The following PKD2 variants were observed in gnomAD, a reference collection of about 807,000 sequenced individuals.
The protein encoded by PKD2 is polycystin 2, transient receptor potential cation channel.
PKD2 carries 48 observed loss-of-function variants against 105.9 expected under a neutral mutation model. The observed-to-expected ratio is 0.45, with a 90% CI of 0.36 to 0.58. PKD2 has a LOEUF of 0.58. Among genes scored for constraint, PKD2 ranks in the 20% least tolerant of loss-of-function variants. The probability of loss-of-function intolerance (pLI) is 0.00; values close to 1 mark genes in which losing one functional copy is unlikely to be tolerated. For missense variants in PKD2, 1,078 were observed against 1,255.3 expected, an observed-to-expected ratio of 0.86 and a Z score of 2.13; for synonymous variants, 464 against 481.1, an observed-to-expected ratio of 0.96 and a Z score of 0.46.
At chr4:88,067,829 A>G in intron 12 of PKD2, 69 bp from the exon 13 acceptor site, 1 of 1,408,356 alleles carries the variant, frequency 7.1e-7, no homozygotes, top group South Asian at 1.2e-5. Context: ...CTGCTTGCCC[A>G]AGTCCTTGGT....
chr4:88,010,505 C>T (rs1014972111), intron 1 of PKD2, among the ~76,000 whole-genome samples: 2 of 152,154 alleles, frequency 1.3e-5, no homozygotes, highest in African/African-American at 4.8e-5. Context: ...CCCCCTGCCC[C>T]CTTTGGATAC....
At chr4:88,070,805 A>T (rs1420649013) in intron 13 of PKD2, among the ~76,000 whole-genome samples, 1 of 151,118 alleles carries the variant, frequency 6.6e-6, no homozygotes, top group Non-Finnish European at 1.5e-5. Flanking sequence ...CTAATTTTTA[A>T]AAAAAAATTT....
intron 1 of PKD2, 128 bp downstream of exon 1, chr4:88,008,456 A>C: frequency 8.3e-7 from 1 of 1,202,220 alleles, no homozygotes. Flanking sequence ...CCTCCCTTGG[A>C]AGCGCATTCC....
At position 88,042,668 on chromosome 4, in the gene PKD2, C is replaced by G. The variant is rs7676117; in HGVS notation, c.1095-565C>G. On this transcript the variant is annotated intron_variant, in intron 4 of 14. Coordinates refer to ENST00000237596, the MANE Select transcript of PKD2 (RefSeq NM_000297.4). ...TCTTTTGCTTCTTATTATTATCCAC[C>G]TTGTATTTTACTTGTTTAATTATAA... Among the ~76,000 whole-genome samples the G allele has an allele frequency of 8.2e-3, 1,249 of 152,272 alleles. 12 individuals are homozygous for G. Among genetic ancestry groups the G allele is most frequent in the African/African-American group, 0.028 (1,157 of 41,536 alleles).
intron 1 of PKD2, among the ~76,000 whole-genome samples, chr4:88,010,435 G>T (rs189662612): frequency 1.3e-5 from 2 of 152,180 alleles, no homozygotes; most frequent in African/African-American, 4.8e-5. Flanking sequence ...GCATATCACT[G>T]TTTTCCTATG....
chr4:88,031,571 A>C (rs148081816), intron 2 of PKD2, among the ~76,000 whole-genome samples: 1 of 152,096 alleles, frequency 6.6e-6, no homozygotes, highest in African/African-American at 2.4e-5. Context: ...TTATATTTTT[A>C]TGGCAGCTCT....
chr4:88,018,717 A>G (rs978781551), intron 1 of PKD2, among the ~76,000 whole-genome samples: 29 of 152,346 alleles, frequency 1.9e-4, no homozygotes, highest in Non-Finnish European at 1.9e-4. Flanking sequence ...CAGCCAGCCC[A>G]ACGCTTTTTC....
At chr4:88,066,244 C>T (rs1010603604) in intron 12 of PKD2, among the ~76,000 whole-genome samples, 1 of 152,010 alleles carries the variant, frequency 6.6e-6, no homozygotes, top group African/African-American at 2.4e-5. Flanking sequence ...AAAAGAGAAG[C>T]CTGATTAGCT....
At chr4:88,057,184 C>T (rs1055351848) in intron 8 of PKD2, among the ~76,000 whole-genome samples, 1 of 151,810 alleles carries the variant, frequency 6.6e-6, no homozygotes, top group African/African-American at 2.4e-5. Context: ...GAGAAGGGAT[C>T]TCACTGTGTA....
chr4:88,023,050 C>T (rs1726818061), intron 2 of PKD2, among the ~76,000 whole-genome samples: 1 of 151,432 alleles, frequency 6.6e-6, no homozygotes, highest in African/African-American at 2.4e-5. Context: ...CACTGCACTC[C>T]ATCCAGCCTG....
intron 2 of PKD2, 141 bp downstream of exon 2, chr4:88,019,712 T>C: frequency 1.5e-6 from 1 of 677,594 alleles, no homozygotes. Flanking sequence ...ATTCTAATAT[T>C]TTTATTTGGG....
chr4:88,040,107 G>A (rs1204255491), intron 4 of PKD2, among the ~76,000 whole-genome samples: 4 of 152,046 alleles, frequency 2.6e-5, no homozygotes, highest in Non-Finnish European at 5.9e-5. Flanking sequence ...CTCTAAAATA[G>A]GTATCACCTC....
intron 6 of PKD2, among the ~76,000 whole-genome samples, chr4:88,049,473 A>AT (rs986249572): frequency 6.0e-5 from 9 of 150,666 alleles, no homozygotes; most frequent in East Asian, 1.9e-4. Context: ...GTGTTTTTCA[A>AT]TTTTTTTTTT....
In PKD2 at chr4:88,038,994, A is replaced by C. The variant is rs1727447964; in HGVS notation, c.1094+493A>C. On this transcript the variant is annotated intron_variant, in intron 4 of 14. Coordinates refer to ENST00000237596, the MANE Select transcript of PKD2 (RefSeq NM_000297.4). ...CAAATGTTTGAGATTTTAGGTATAT[A>C]TTTGTACACGTGCATATTTACAGGG... is the stretch of plus-strand genomic sequence containing the variant. Among the ~76,000 whole-genome samples the C allele has an allele frequency of 2.0e-5, 3 of 152,208 alleles. No homozygotes were observed. In the South Asian group the frequency reaches 6.2e-4, roughly 31 times the overall value.
At chr4:88,011,473 T>C (rs1434105843) in intron 1 of PKD2, among the ~76,000 whole-genome samples, 1 of 152,014 alleles carries the variant, frequency 6.6e-6, no homozygotes, top group African/African-American at 2.4e-5. Flanking sequence ...TTAGAGAGGG[T>C]ATTCCAGGTT....
chr4:88,008,630 G>GT (rs986532762), intron 1 of PKD2, among the ~76,000 whole-genome samples: 3 of 151,496 alleles, frequency 2.0e-5, no homozygotes, highest in African/African-American at 4.9e-5. Context: ...GTACATCTGG[G>GT]TTTTGTTTTT....
Position 88,046,648 on chromosome 4 carries a change from G to A in PKD2, c.1326G>A (p.Leu442=). 6.3e-7 allele frequency: 1 copy of A among 1,585,292 alleles called. No homozygotes were observed. Among genetic ancestry groups the A allele is most frequent in the Non-Finnish European group, 8.7e-7 (1 of 1,153,762 alleles). Residue 442 remains leucine (L), a synonymous_variant, in exon 6 of 15, where the codon TTG becomes TTA. Coordinates refer to ENST00000237596, the MANE Select transcript of PKD2 (RefSeq NM_000297.4). ...TGTTCTTATTTACATGCAGGTTATT[G>A]GTTGAATTCCCAGCAACAGGTGGTG... is the stretch of plus-strand genomic sequence containing the variant. The part of the protein sequence containing the change: ...NINLFCVVRL[L]VEFPATGGVI...
At chr4:88,060,244 G>A (rs1720519864) in intron 9 of PKD2, among the ~76,000 whole-genome samples, 1 of 152,008 alleles carries the variant, frequency 6.6e-6, no homozygotes, top group South Asian at 2.1e-4. Context: ...GGTGTTACTT[G>A]GACTGCAATT....
chr4:88,036,392 G>T, intron 3 of PKD2, 39 bp downstream of exon 3: 1 of 1,610,832 alleles, frequency 6.2e-7, no homozygotes, highest in South Asian at 1.1e-5. Context: ...CTCTATCACA[G>T]AAAATTGTTC....
Sources: gnomAD v4.1 joint callset for allele counts (sites outside exome capture counted in the v4.1 genomes callset) on GRCh38, gnomAD v4.1.1 for gene constraint, MANE v1.5 for transcripts, NCBI Gene and HGNC (gene_info 2026-07-23, HGNC 2026-07-21) for gene names.